FUT8: variants seen among roughly 807,000 people sequenced by gnomAD.
FUT8 encodes the protein alpha-(1,6)-fucosyltransferase.
A neutral mutation model predicts 71.3 loss-of-function variants in FUT8; 29 were observed. The observed-to-expected ratio is 0.41, with a 90% confidence interval of 0.30 to 0.55. FUT8 has a LOEUF of 0.55. Ranked by LOEUF, FUT8 falls within the 20% of genes least tolerant of loss-of-function variation. The probability of loss-of-function intolerance (pLI) is 0.34; values close to 1 mark genes in which losing one functional copy is unlikely to be tolerated. For synonymous variants in FUT8, 254 were observed against 239.3 expected (o/e 1.06, Z -0.57); for missense variants, 544 against 702.1 (o/e 0.77, Z 2.55).
At chr14:65,534,543 GT>G (rs1203093994) in intron 2 of FUT8, among the ~76,000 whole-genome samples, 3 of 109,864 alleles carry the variant, frequency 2.7e-5, no homozygotes, top group African/African-American at 6.0e-5. Context: ...GTTCAGGGCT[GT>G]TTTTCTTTTT....
At chr14:65,398,388 A>T in the FUT8 span, among the ~76,000 whole-genome samples, 6 of 152,050 alleles carry the variant, frequency 3.9e-5, no homozygotes, top group African/African-American at 1.4e-4. Context: ...AAAATTACTT[A>T]TTTATTTATT....
chr14:65,455,816 A>G (rs1011724692), intron 2 of FUT8, 98 bp downstream of exon 2: 2 of 394,178 alleles, frequency 5.1e-6, no homozygotes, highest in Middle Eastern at 6.3e-4. Flanking sequence ...GTTATGTACC[A>G]GTAAAGCAGA....
chr14:65,700,381 G>GGTTTTTTT (rs1894222469), intron 7 of FUT8, among the ~76,000 whole-genome samples: 1 of 48,848 alleles, frequency 2.0e-5, no homozygotes, highest in Non-Finnish European at 3.5e-5. Context: ...CTTTCTTTCT[G>GGTTTTTTT]TTTTTTTTTT....
intron 2 of FUT8, among the ~76,000 whole-genome samples, chr14:65,547,989 C>G (rs1252384348): frequency 6.6e-6 from 1 of 151,932 alleles, no homozygotes; most frequent in South Asian, 2.1e-4. Flanking sequence ...CCTTAGACTT[C>G]TCTAATCTAT....
intron 2 of FUT8, among the ~76,000 whole-genome samples, chr14:65,537,723 T>C (rs908254840): frequency 6.6e-6 from 1 of 152,204 alleles, no homozygotes; most frequent in Non-Finnish European, 1.5e-5. Context: ...CTTTCTCATC[T>C]TTGTGGGCTA....
chr14:65,444,928 G>A lies in FUT8; in HGVS notation c.-325-10693G>A, dbSNP rs150775001. ...GTTGTTATAAAAAGGGCTTGCGGCCGGGCATGGTGGCTCACGCCTGTAATC... is the reference window on the plus strand; with the variant it reads ...GTTGTTATAAAAAGGGCTTGCGGCCAGGCATGGTGGCTCACGCCTGTAATC... On this transcript the variant is annotated intron_variant, in intron 1 of 10. Coordinates refer to ENST00000673929, the MANE Select transcript of FUT8 (RefSeq NM_001371533.1). Among the ~76,000 whole-genome samples the A allele has an allele frequency of 4.5e-4, 68 of 152,012 alleles. 1 individual carries two copies. In the East Asian group the frequency reaches 0.012, roughly 26 times the overall value.
chr14:65,373,801 G>A, the FUT8 span, among the ~76,000 whole-genome samples: 1 of 152,146 alleles, frequency 6.6e-6, no homozygotes, highest in Non-Finnish European at 1.5e-5. Flanking sequence ...TGCGCCAAAA[G>A]CCAGTTGTAG....
rs1369461730 is a variant in FUT8, at chr14:65,700,762, C to G, written c.836-21013C>G. ...ATTTAATGAACACATTCTTGAACCC[C>G]CATCCAAATATTTGGATTTTTGTAA... On this transcript the variant is annotated intron_variant, in intron 7 of 10. Coordinates refer to ENST00000673929, the MANE Select transcript of FUT8 (RefSeq NM_001371533.1). Among the ~76,000 whole-genome samples the G allele has an allele frequency of 1.3e-5, 2 of 152,126 alleles. 1 individual carries two copies. Among genetic ancestry groups the G allele is most frequent in the African/African-American group, 4.8e-5 (2 of 41,420 alleles).
intron 2 of FUT8, among the ~76,000 whole-genome samples, chr14:65,490,106 C>T (rs961797889): frequency 2.6e-5 from 4 of 152,014 alleles, no homozygotes; most frequent in African/African-American, 9.7e-5. Flanking sequence ...AGAAAAGCTT[C>T]AGAACAGCTG....
At chr14:65,646,651 A>T (rs1027530018) in intron 6 of FUT8, 6 of 151,810 alleles carry the variant, frequency 4.0e-5, no homozygotes, top group Non-Finnish European at 7.4e-5. Flanking sequence ...ACCATAACTG[A>T]GCAGCCTTTC....
At chr14:65,700,328 G>A (rs1042207529) in intron 7 of FUT8, among the ~76,000 whole-genome samples, 5 of 132,272 alleles carry the variant, frequency 3.8e-5, no homozygotes, top group African/African-American at 1.1e-4. Context: ...TTTACATATT[G>A]TATAAAAGTT....
intron 1 of FUT8, among the ~76,000 whole-genome samples, chr14:65,446,278 T>G (rs2065739765): frequency 6.6e-6 from 1 of 152,186 alleles, no homozygotes; most frequent in African/African-American, 2.4e-5. Context: ...AGTTTAACAC[T>G]TTCCTCTGTT....
At chr14:65,469,915 C>T (rs2066111350) in intron 2 of FUT8, among the ~76,000 whole-genome samples, 1 of 152,210 alleles carries the variant, frequency 6.6e-6, no homozygotes. Flanking sequence ...GCCCCCACTG[C>T]AGTCTGCGGG....
At chr14:65,477,761 T>A (rs1331050231) in intron 2 of FUT8, among the ~76,000 whole-genome samples, 1 of 152,168 alleles carries the variant, frequency 6.6e-6, no homozygotes, top group Admixed American at 6.5e-5. Flanking sequence ...TTCTCATATC[T>A]TCTAGCCTGG....
chr14:65,710,269 A>G (rs1256732439), intron 7 of FUT8, among the ~76,000 whole-genome samples: 4 of 152,224 alleles, frequency 2.6e-5, no homozygotes, highest in Admixed American at 2.6e-4. Context: ...GTACATGGAT[A>G]TAAAAATCAT....
Position 65,733,476 on chromosome 14 carries a change from A to T in FUT8, c.1410+95A>T, listed in dbSNP as rs1398396526. On this transcript the variant is annotated intron_variant, in intron 10 of 10. Coordinates refer to ENST00000673929, the MANE Select transcript of FUT8 (RefSeq NM_001371533.1). ...GTGTGTCTATGTGTTGTTAATGTTCATTATTGTGACTCAGGTGCAATTTTT... is the reference window on the plus strand; with the variant it reads ...GTGTGTCTATGTGTTGTTAATGTTCTTTATTGTGACTCAGGTGCAATTTTT... The T allele has an allele frequency of 8.8e-6, 8 of 908,150 alleles. No homozygotes were observed. The Admixed American group carries it at 1.5e-4, about 17-fold the overall frequency. The allele number at this position is 908,150 out of a possible 1,614,324, so 56.3% of individuals were successfully genotyped here.
Position 65,728,340 on chromosome 14 carries a change from A to T in FUT8, c.1259+4017A>T, listed in dbSNP as rs374673262. On this transcript the variant is annotated intron_variant, in intron 9 of 10. Transcript: ENST00000673929. ...GTTTAATGGACTTACAGTTCCACATAGCTGGGGTGGCCTCACAATCATGAT... is the reference window on the plus strand; with the variant it reads ...GTTTAATGGACTTACAGTTCCACATTGCTGGGGTGGCCTCACAATCATGAT... 1.2e-4 allele frequency among the ~76,000 whole-genome samples: 19 copies of T among 152,338 alleles called. 3 individuals are homozygous for T. The highest frequency in any genetic ancestry group is 4.3e-4 in the African/African-American group (18 of 41,584).
the FUT8 span, among the ~76,000 whole-genome samples, chr14:65,364,185 GA>G: frequency 2.8e-5 from 4 of 142,800 alleles, no homozygotes; most frequent in Admixed American, 1.5e-4. Context: ...AGTAAAATGA[GA>G]TAACAGATCC....
In FUT8 at chr14:65,716,063, AATACT is replaced by A. The variant is rs535128669; in HGVS notation, c.836-5709_836-5705del. Among the ~76,000 whole-genome samples, 14 of 152,110 alleles carry A rather than the reference AATACT, an allele frequency of 9.2e-5. No homozygotes were observed. In the South Asian group the frequency reaches 2.9e-3, roughly 32 times the overall value. ...GACCTAATTTATGGTCTGTCCTTGT[AATACT>A]ATCCATGTGCTGAGGAGAAGAATGT... On this transcript the variant is annotated intron_variant, in intron 7 of 10. Coordinates refer to ENST00000673929, the MANE Select transcript of FUT8 (RefSeq NM_001371533.1).
Sources: gnomAD v4.1 joint callset for allele counts (sites outside exome capture counted in the v4.1 genomes callset) on GRCh38, gnomAD v4.1.1 for gene constraint, MANE v1.5 for transcripts, NCBI Gene and HGNC (gene_info 2026-07-23, HGNC 2026-07-21) for gene names.